SERPINE2: variants seen among roughly 807,000 people sequenced by gnomAD.
The protein encoded by SERPINE2 is glia-derived nexin.
In SERPINE2, 14 loss-of-function variants were observed where a neutral mutation model predicts 36.3. That is an observed-to-expected ratio of 0.39 (90% CI 0.25 to 0.60). The LOEUF is 0.60. Ranked by LOEUF, SERPINE2 falls within the 20% of genes least tolerant of loss-of-function variation. The pLI is 0.57. For missense variants in SERPINE2, 418 were observed against 499.6 expected, an observed-to-expected ratio of 0.84 and a Z score of 1.56; for synonymous variants, 192 against 191.8, an observed-to-expected ratio of 1.00 and a Z score of -0.01.
At position 224,001,701 on chromosome 2, in the gene SERPINE2, A is replaced by G. The variant is rs1275895191; in HGVS notation, c.200T>C (p.Leu67Pro). 1.2e-6 allele frequency: 2 copies of G among 1,614,166 alleles called. No individual in the cohort carries two copies. The highest frequency in any genetic ancestry group is 1.7e-6 in the Non-Finnish European group (2 of 1,180,034). Residue 67 changes from leucine to proline, a missense_variant, in exon 2 of 9, where the codon CTG becomes CCG. Transcript: ENST00000409304. ...GIASVLGMLQ[L>P]GADGRTKKQL... ...CTTCTTGGTCCTGCCGTCCGCCCCC[A>G]GCTGAAGCATCCCCAGGACCGACGC... is the stretch of plus-strand genomic sequence containing the variant.
chr2:224,037,572 C>T (rs994189691), intron 1 of SERPINE2, among the ~76,000 whole-genome samples: 1 of 152,132 alleles, frequency 6.6e-6, no homozygotes, highest in Admixed American at 6.5e-5. Context: ...AGCCCAAGAG[C>T]CAAAGTCCCC....
chr2:224,037,513 G>A (rs893383316), intron 1 of SERPINE2, among the ~76,000 whole-genome samples: 4 of 152,182 alleles, frequency 2.6e-5, no homozygotes, highest in Admixed American at 1.3e-4. Flanking sequence ...AAGGAAGTGC[G>A]CATCTAGAGC....
intron 1 of SERPINE2, among the ~76,000 whole-genome samples, chr2:224,023,287 C>T (rs1262801589): frequency 6.6e-6 from 1 of 152,232 alleles, no homozygotes; most frequent in African/African-American, 2.4e-5. Context: ...GGTATCCTGA[C>T]AAACTCCCAA....
chr2:223,985,048 G>T, intron 4 of SERPINE2, 98 bp from the exon 5 acceptor site: 2 of 963,666 alleles, frequency 2.1e-6, no homozygotes, highest in African/African-American at 1.6e-5. Flanking sequence ...GAGCAACTCA[G>T]TTGGAGAACT....
chr2:224,005,072 T>TATA (rs1691359611), intron 1 of SERPINE2, among the ~76,000 whole-genome samples: 1 of 63,540 alleles, frequency 1.6e-5, no homozygotes, highest in Non-Finnish European at 4.2e-5. Context: ...ATATTATATA[T>TATA]ATATATATAT....
intron 8 of SERPINE2, 126 bp from the exon 9 acceptor site, chr2:223,976,030 A>G (rs1025656889): frequency 1.4e-5 from 10 of 728,516 alleles, no homozygotes; most frequent in Non-Finnish European, 2.1e-5. Flanking sequence ...AGTGTCCAGT[A>G]TAACTTTCTG....
chr2:224,010,399 G>T (rs1275859464), intron 1 of SERPINE2: 3 of 982,128 alleles, frequency 3.1e-6, no homozygotes, highest in Non-Finnish European at 3.6e-6. Context: ...TCAATGAAAA[G>T]ACACATATTT....
At chr2:224,030,215 C>A in intron 1 of SERPINE2, 1 of 985,400 alleles carries the variant, frequency 1.0e-6, no homozygotes, top group Non-Finnish European at 1.2e-6. Context: ...AGCCTGCGGG[C>A]AGGACAGATG....
intron 1 of SERPINE2, among the ~76,000 whole-genome samples, chr2:224,011,152 A>G (rs768201952): frequency 2.0e-5 from 3 of 152,172 alleles, no homozygotes; most frequent in Admixed American, 1.3e-4. Flanking sequence ...CAAGTCCTAT[A>G]GACTTTTCTT....
chr2:224,031,609 G>T, intron 1 of SERPINE2: 1 of 566,496 alleles, frequency 1.8e-6, no homozygotes, highest in Non-Finnish European at 2.2e-6. Context: ...TCTGCCCACA[G>T]CCATTGGTAT....
At chr2:224,037,827 A>G (rs1188448419) in intron 1 of SERPINE2, among the ~76,000 whole-genome samples, 1 of 152,202 alleles carries the variant, frequency 6.6e-6, no homozygotes, top group Non-Finnish European at 1.5e-5. Context: ...TTTAGAATAA[A>G]ATACGATGAC....
At chr2:223,982,219 A>G (rs61482012) in intron 6 of SERPINE2, 18,616 of 152,640 alleles carry the variant, frequency 0.12, 2,090 homozygotes, top group African/African-American at 0.28. Flanking sequence ...TAACTCAAGA[A>G]TGGAAAACCA....
Position 223,984,808 on chromosome 2 carries a change from G to T in SERPINE2, c.828C>A (p.Thr276=), listed in dbSNP as rs1686786988. ...CCATGATGCTCATCCAGCTGTCTAT[G>T]GTCTTGGTGCTGATGTGTGGGATGA... ...SAIIPHISTK[T]IDSWMSIMVP... is the part of the protein sequence containing the mutation. Residue 276 remains threonine, a synonymous_variant, in exon 5 of 9, where the codon ACC becomes ACA. Coordinates refer to ENST00000409304, the MANE Select transcript of SERPINE2 (RefSeq NM_001136528.2). 6.2e-7 allele frequency: 1 copy of T among 1,613,834 alleles called. No homozygotes were observed. Among genetic ancestry groups the T allele is most frequent in the African/African-American group, 1.3e-5 (1 of 74,940 alleles).
chr2:224,028,673 AG>A (rs956830894), intron 1 of SERPINE2, among the ~76,000 whole-genome samples: 8 of 152,188 alleles, frequency 5.3e-5, no homozygotes, highest in Non-Finnish European at 1.0e-4. Context: ...CTACCTTACA[AG>A]GGTTGTTAGG....
intron 5 of SERPINE2, among the ~76,000 whole-genome samples, chr2:223,984,006 G>T (rs1014902057): frequency 6.6e-6 from 1 of 150,834 alleles, no homozygotes; most frequent in African/African-American, 2.4e-5. Flanking sequence ...AATACTTATT[G>T]TGAATGTCTT....
intron 8 of SERPINE2, among the ~76,000 whole-genome samples, chr2:223,976,532 T>C (rs1458380896): frequency 6.6e-6 from 1 of 152,242 alleles, no homozygotes; most frequent in African/African-American, 2.4e-5. Flanking sequence ...TTCTGGGGCA[T>C]GCCAATTAGA....
At chr2:224,011,442 T>C (rs1466841146) in intron 1 of SERPINE2, among the ~76,000 whole-genome samples, 1 of 152,206 alleles carries the variant, frequency 6.6e-6, no homozygotes, top group Non-Finnish European at 1.5e-5. Flanking sequence ...CCAAATTCTT[T>C]TTATCAGTAC....
At chr2:224,004,103 TATTA>T (rs1160582056) in intron 1 of SERPINE2, among the ~76,000 whole-genome samples, 7 of 152,236 alleles carry the variant, frequency 4.6e-5, no homozygotes, top group Non-Finnish European at 1.0e-4. Context: ...TTCCTATTTT[TATTA>T]ATTAATCTTT....
At chr2:224,036,935 C>T (rs1692556381) in intron 1 of SERPINE2, among the ~76,000 whole-genome samples, 1 of 151,810 alleles carries the variant, frequency 6.6e-6, no homozygotes, top group African/African-American at 2.4e-5. Flanking sequence ...ATTCAGGACA[C>T]AGCTGGAGAC....
Sources: allele counts gnomAD v4.1 joint callset (sites outside exome capture counted in the v4.1 genomes callset), GRCh38; gene constraint gnomAD v4.1.1; transcripts MANE v1.5; gene names NCBI Gene and HGNC (gene_info 2026-07-23, HGNC 2026-07-21).